The following SYNE2 variants were observed in gnomAD, a reference collection of about 807,000 sequenced individuals.
The protein encoded by SYNE2 is spectrin repeat containing nuclear envelope protein 2, also known as nesprin-2.
In SYNE2, 431 loss-of-function variants were observed where a neutral mutation model predicts 856.3. The observed-to-expected ratio is 0.50, with a 90% CI of 0.47 to 0.55. The LOEUF is 0.55. Ranked by LOEUF, SYNE2 falls within the 20% of genes least tolerant of loss-of-function variation. The pLI is 0.00. For missense variants in SYNE2, 8,129 were observed against 8,023.2 expected (o/e 1.01, Z -0.50); for synonymous variants, 2,923 against 2,872.3 (o/e 1.02, Z -0.56).
chr14:63,814,323 A>T (rs541135587), intron 1 of SYNE2, among the ~76,000 whole-genome samples: 1 of 150,142 alleles, frequency 6.7e-6, no homozygotes, highest in South Asian at 2.1e-4. Context: ...ACAAAACAAA[A>T]CAAAAAACTG....
At chr14:64,022,617 G>A (rs2096944038) in intron 37 of SYNE2, 134 bp from the exon 38 acceptor site, 1 of 688,858 alleles carries the variant, frequency 1.5e-6, no homozygotes, top group African/African-American at 1.8e-5. Context: ...CCTCAAAATT[G>A]GGTTTCAGAG....
intron 89 of SYNE2, among the ~76,000 whole-genome samples, chr14:64,164,135 T>C (rs1287307109): frequency 1.4e-5 from 2 of 147,844 alleles, no homozygotes; most frequent in Admixed American, 1.4e-4. Context: ...TATTTTGAGA[T>C]GTCTCGTTCT....
At chr14:64,131,746 T>C (rs1009934309) in intron 76 of SYNE2, among the ~76,000 whole-genome samples, 3 of 152,188 alleles carry the variant, frequency 2.0e-5, no homozygotes, top group Non-Finnish European at 2.9e-5. Context: ...CACACCTAGC[T>C]GGCATCTATC....
intron 1 of SYNE2, among the ~76,000 whole-genome samples, chr14:63,847,625 G>A (rs1188157926): frequency 7.6e-5 from 11 of 144,606 alleles, no homozygotes; most frequent in East Asian, 4.1e-4. Flanking sequence ...TCGCTCTGTC[G>A]CCCAGGCTGG....
chr14:63,935,670 T>A (rs577814534), intron 2 of SYNE2, among the ~76,000 whole-genome samples: 1 of 152,228 alleles, frequency 6.6e-6, no homozygotes, highest in African/African-American at 2.4e-5. Flanking sequence ...CTCATAAAGG[T>A]AGATTTGCTT....
chr14:63,950,933 A>T (rs1023629958), intron 7 of SYNE2, among the ~76,000 whole-genome samples: 1 of 152,062 alleles, frequency 6.6e-6, no homozygotes, highest in Non-Finnish European at 1.5e-5. Context: ...CTGGGATTAC[A>T]GGTGTGAGCT....
rs146977539 is a variant in SYNE2 at position 64,125,080 on chromosome 14, T to C, written c.13424T>C (p.Val4475Ala). Reference protein sequence around the residue: ...LPLPQLVEPQVSTNMGILPSV... With the variant: ...LPLPQLVEPQASTNMGILPSV... ...ATAGGGTTTTCCTTTGTCAAATAGGTTTCCACAAATATGGGTATTCTACCC... is the reference window on the plus strand; with the variant it reads ...ATAGGGTTTTCCTTTGTCAAATAGGCTTCCACAAATATGGGTATTCTACCC... The change falls in exon 71 of 116, where the codon GTT (valine) becomes GCT (alanine). Residue 4475 changes from valine (V) to alanine (A), a missense_variant and splice_region_variant. This residue lies in a region of SYNE2 where 5,410 missense variants were observed against 5,284.8 expected (regional missense o/e 1.02). Transcript: ENST00000555002. 213 of 1,614,090 alleles carry C rather than the reference T, an allele frequency of 1.3e-4. 1 individual carries two copies. The African/African-American group carries it at 2.7e-3, about 20-fold the overall frequency.
chr14:63,844,604 AT>A (rs1015700020), intron 1 of SYNE2, among the ~76,000 whole-genome samples: 22 of 151,858 alleles, frequency 1.4e-4, no homozygotes, highest in African/African-American at 3.4e-4. Context: ...TTGACTTGGA[AT>A]TTTTTTTTAC....
At position 64,034,670 on chromosome 14, in the gene SYNE2, A is replaced by C. The variant is rs547410853; in HGVS notation, c.7221+3313A>C. On this transcript the variant is annotated intron_variant, in intron 45 of 115. Transcript: ENST00000555002. ...GTTCAGGCAGACCTAGAAACAAAAG[A>C]AGTTGCAAAATTCAGTATGACAGGT... The C allele has an allele frequency of 7.1e-5, 32 of 447,670 alleles. No homozygotes were observed. The South Asian group carries it at 1.7e-3, about 24-fold the overall frequency. The allele number at this position is 447,670 out of a possible 1,614,324, so 27.7% of individuals were successfully genotyped here. A position where few individuals can be genotyped will look rare whatever the true frequency, so the allele number is the denominator to read the frequency against.
chr14:64,072,601 G>A (rs963608756), intron 52 of SYNE2, among the ~76,000 whole-genome samples: 7 of 151,978 alleles, frequency 4.6e-5, no homozygotes, highest in East Asian at 1.9e-4. Context: ...CTGAGTTCAA[G>A]CGATTCTCCT....
chr14:63,946,737 A>G (rs935425908), intron 6 of SYNE2, among the ~76,000 whole-genome samples: 1 of 150,760 alleles, frequency 6.6e-6, no homozygotes, highest in African/African-American at 2.4e-5. Context: ...ATATATATAA[A>G]TTGCAAATAA....
intron 8 of SYNE2, among the ~76,000 whole-genome samples, chr14:63,957,444 T>A (rs2096255063): frequency 6.6e-6 from 1 of 151,880 alleles, no homozygotes; most frequent in South Asian, 2.1e-4. Context: ...AATTTTTGTA[T>A]TTTTAGTAGA....
intron 1 of SYNE2, among the ~76,000 whole-genome samples, chr14:63,783,554 T>A (rs1306156974): frequency 6.6e-6 from 1 of 152,186 alleles, no homozygotes; most frequent in Non-Finnish European, 1.5e-5. Context: ...GACTTCTTTA[T>A]AGCAGTGTTA....
chr14:64,169,327 A>T (rs1320377039), intron 93 of SYNE2, among the ~76,000 whole-genome samples: 3 of 152,220 alleles, frequency 2.0e-5, no homozygotes, highest in Admixed American at 2.0e-4. Flanking sequence ...CGACTTAAAA[A>T]ATAATTTCTA....
At chr14:63,822,090 C>A (rs539312293) in intron 1 of SYNE2, among the ~76,000 whole-genome samples, 1 of 152,094 alleles carries the variant, frequency 6.6e-6, no homozygotes, top group East Asian at 1.9e-4. Flanking sequence ...ATTTAGGAGG[C>A]CGAGGCAGGA....
chr14:64,031,447 T>A, intron 45 of SYNE2, 90 bp downstream of exon 45: 1 of 1,123,784 alleles, frequency 8.9e-7, no homozygotes, highest in Non-Finnish European at 1.3e-6. Flanking sequence ...TCAAGCATTC[T>A]GATTTCATAA....
At chr14:63,901,492 C>T (rs956142745) in intron 1 of SYNE2, among the ~76,000 whole-genome samples, 3 of 152,098 alleles carry the variant, frequency 2.0e-5, no homozygotes, top group African/African-American at 7.2e-5. Context: ...TTCGGATACT[C>T]TCTATTAAAA....
At chr14:63,822,935 C>G (rs1160288607) in intron 1 of SYNE2, among the ~76,000 whole-genome samples, 2 of 152,008 alleles carry the variant, frequency 1.3e-5, no homozygotes, top group Non-Finnish European at 2.9e-5. Context: ...GAGACCCCAT[C>G]TCTATAAAAT....
At position 64,206,409 on chromosome 14, in the gene SYNE2, C is replaced by G. The variant is rs192571979; in HGVS notation, c.18202-2349C>G. ...ATTTCAGCTTGCAAAATGTTCTTGTCTAGCACTTAAATGGTCTGCATTTTA... is the reference window on the plus strand; with the variant it reads ...ATTTCAGCTTGCAAAATGTTCTTGTGTAGCACTTAAATGGTCTGCATTTTA... On this transcript the variant is annotated intron_variant, in intron 100 of 115. Coordinates refer to ENST00000555002, the MANE Select transcript of SYNE2 (RefSeq NM_182914.3). Among the ~76,000 whole-genome samples the G allele has an allele frequency of 1.6e-4, 24 of 152,066 alleles. 1 individual carries two copies. The highest frequency in any genetic ancestry group is 6.2e-4 in the South Asian group (3 of 4,820).
Sources: gnomAD v4.1 joint callset for allele counts (sites outside exome capture counted in the v4.1 genomes callset) on GRCh38, gnomAD v4.1.1 for gene constraint, gnomAD v4.1.1 regional missense constraint, MANE v1.5 for transcripts, NCBI Gene and HGNC (gene_info 2026-07-23, HGNC 2026-07-21) for gene names.